The following KIAA1217 variants were observed in gnomAD, a reference collection of about 807,000 sequenced individuals.
The protein encoded by KIAA1217 is KIAA1217.
A neutral mutation model predicts 163.9 loss-of-function variants in KIAA1217; 88 were observed. That is an observed-to-expected ratio of 0.54 (90% CI 0.45 to 0.64). The LOEUF is 0.64. Among genes scored for constraint, KIAA1217 ranks in the 30% least tolerant of loss-of-function variants. The pLI is 0.00. For synonymous variants in KIAA1217, 903 were observed against 923.1 expected (o/e 0.98, Z 0.39); for missense variants, 2,372 against 2,475.0 (o/e 0.96, Z 0.88).
intron 2 of KIAA1217, among the ~76,000 whole-genome samples, chr10:24,306,006 T>C (rs962613398): frequency 2.0e-5 from 3 of 152,134 alleles, no homozygotes; most frequent in Non-Finnish European, 4.4e-5. Context: ...GTCTTACTAT[T>C]GACGTCAGAG....
intron 1 of KIAA1217, among the ~76,000 whole-genome samples, chr10:23,962,596 A>G (rs982122375): frequency 2.0e-5 from 3 of 152,232 alleles, no homozygotes; most frequent in Non-Finnish European, 4.4e-5. Flanking sequence ...AAATCTGATT[A>G]TTCTTAGAAA....
intron 1 of KIAA1217, among the ~76,000 whole-genome samples, chr10:23,773,545 A>C (rs1349425269): frequency 6.6e-6 from 1 of 152,068 alleles, no homozygotes; most frequent in Non-Finnish European, 1.5e-5. Flanking sequence ...TCTGTAAATT[A>C]CTTTGGGCAG....
chr10:24,452,526 A>G (rs930831947), intron 5 of KIAA1217, among the ~76,000 whole-genome samples: 3 of 151,408 alleles, frequency 2.0e-5, no homozygotes, highest in South Asian at 2.1e-4. Context: ...ACAAAAAAAA[A>G]AAAAAATTAG....
intron 2 of KIAA1217, among the ~76,000 whole-genome samples, chr10:24,104,769 G>C (rs539001026): frequency 2.0e-5 from 3 of 152,058 alleles, no homozygotes; most frequent in African/African-American, 7.2e-5. Context: ...AAAAGTAGAC[G>C]GTGACTTTCT....
At chr10:23,703,512 G>GA (rs1448734994) in intron 1 of KIAA1217, among the ~76,000 whole-genome samples, 1 of 152,040 alleles carries the variant, frequency 6.6e-6, no homozygotes, top group East Asian at 1.9e-4. Context: ...TCTGCAGGGG[G>GA]AAAAAAGCCC....
At chr10:24,276,902 C>A (rs1368468623) in intron 2 of KIAA1217, among the ~76,000 whole-genome samples, 1 of 150,372 alleles carries the variant, frequency 6.7e-6, no homozygotes, top group African/African-American at 2.4e-5. Context: ...GCCACCACAC[C>A]CAGCCAAGTC....
At chr10:23,739,838 C>T (rs962801294) in intron 1 of KIAA1217, among the ~76,000 whole-genome samples, 5 of 152,092 alleles carry the variant, frequency 3.3e-5, no homozygotes, top group Admixed American at 6.6e-5. Flanking sequence ...GGAGCAGCAG[C>T]GGAGAAGTGC....
intron 2 of KIAA1217, among the ~76,000 whole-genome samples, chr10:24,355,176 C>A (rs2048931232): frequency 6.6e-6 from 1 of 152,120 alleles, no homozygotes; most frequent in Non-Finnish European, 1.5e-5. Flanking sequence ...GAGCTTGGGG[C>A]CAGAGGAGGT....
chr10:23,716,154 A>G lies in KIAA1217; in HGVS notation c.-321+20920A>G, dbSNP rs577383523. Among the ~76,000 whole-genome samples the G allele has an allele frequency of 7.2e-5, 11 of 152,326 alleles. No individual in the cohort carries two copies. The South Asian group carries it at 1.4e-3, about 20-fold the overall frequency. On this transcript the variant is annotated intron_variant, in intron 1 of 18. Coordinates refer to the KIAA1217 transcript ENST00000376462. ...TGAGATGAGGATGTGTCATTAAAAT[A>G]TATGAACATAATAGATGTTGTGCAC... is the stretch of plus-strand genomic sequence containing the variant.
intron 1 of KIAA1217, among the ~76,000 whole-genome samples, chr10:23,868,592 C>T (rs1461948945): frequency 6.6e-6 from 1 of 152,082 alleles, no homozygotes; most frequent in African/African-American, 2.4e-5. Flanking sequence ...CATTTTCCAA[C>T]ATCTGCAGCC....
intron 1 of KIAA1217, among the ~76,000 whole-genome samples, chr10:23,908,784 T>C (rs1589055526): frequency 6.6e-6 from 1 of 152,142 alleles, no homozygotes. Context: ...CAGGGAACAC[T>C]TCTACACTGT....
At chr10:23,940,460 C>CAAAAAAAAAAAAAAA (rs760090400) in intron 1 of KIAA1217, among the ~76,000 whole-genome samples, 479 of 45,508 alleles carry the variant, frequency 0.011, no homozygotes, top group Middle Eastern at 0.026. Flanking sequence ...GACTCCGTCT[C>CAAAAAAAAAAAAAAA]AAAAAAAAAA....
intron 2 of KIAA1217, among the ~76,000 whole-genome samples, chr10:24,081,137 A>G (rs1007604789): frequency 6.6e-6 from 1 of 152,232 alleles, no homozygotes; most frequent in Non-Finnish European, 1.5e-5. Context: ...CCATGGTTCC[A>G]GTTTACAAAG....
intron 1 of KIAA1217, among the ~76,000 whole-genome samples, chr10:23,832,274 G>T (rs1171426829): frequency 3.3e-5 from 5 of 152,172 alleles, no homozygotes; most frequent in African/African-American, 9.7e-5. Context: ...CTATTATAAA[G>T]ATTATAAAAG....
intron 3 of KIAA1217, among the ~76,000 whole-genome samples, chr10:24,430,214 C>A (rs895454309): frequency 1.3e-5 from 2 of 152,150 alleles, no homozygotes; most frequent in African/African-American, 2.4e-5. Flanking sequence ...GAGGACCCTC[C>A]AGTGTCCTGA....
chr10:24,531,819 C>A lies in KIAA1217; in HGVS notation c.3083-11C>A. 6.3e-7 allele frequency: 1 copy of A among 1,580,326 alleles called. No homozygotes were observed. ...AAAAGATTATTCTTGTAATGGTGCA[C>A]TGTTTTCCAGAAGATTCTCCAAATT... On this transcript the variant is annotated splice_polypyrimidine_tract_variant and intron_variant, in intron 14 of 20. Transcript: ENST00000376454.
At chr10:23,801,107 A>C (rs1370910507) in intron 1 of KIAA1217, among the ~76,000 whole-genome samples, 1 of 152,212 alleles carries the variant, frequency 6.6e-6, no homozygotes, top group Non-Finnish European at 1.5e-5. Flanking sequence ...TGGATAAAGA[A>C]AATGTGGCAC....
intron 8 of KIAA1217, among the ~76,000 whole-genome samples, chr10:24,499,562 G>A (rs11014117): frequency 0.044 from 6,736 of 152,112 alleles, 421 homozygotes; most frequent in African/African-American, 0.14. Context: ...GTGAAACCTC[G>A]TCTCTACTAA....
intron 1 of KIAA1217, among the ~76,000 whole-genome samples, chr10:23,698,675 G>A (rs1836206550): frequency 2.0e-5 from 3 of 152,290 alleles, no homozygotes; most frequent in Admixed American, 1.3e-4. Context: ...GCATTTCCCA[G>A]GATCACACTC....
Sources: allele counts gnomAD v4.1 joint callset (sites outside exome capture counted in the v4.1 genomes callset), GRCh38; gene constraint gnomAD v4.1.1; transcripts MANE v1.5; gene names NCBI Gene and HGNC (gene_info 2026-07-23, HGNC 2026-07-21).